The following LZTFL1 variants were observed in gnomAD, a reference collection of about 807,000 sequenced individuals.
LZTFL1 encodes the protein leucine zipper transcription factor-like protein 1.
Under a neutral mutation model 45.9 loss-of-function variants are expected in LZTFL1, and 25 were observed. That is an observed-to-expected ratio of 0.54 (90% confidence interval 0.40 to 0.76). LZTFL1 has a LOEUF of 0.76. Among genes scored for constraint, LZTFL1 ranks in the 30% least tolerant of loss-of-function variants. The probability of loss-of-function intolerance (pLI) is 0.00; values close to 1 mark genes in which losing one functional copy is unlikely to be tolerated. For missense variants in LZTFL1, 277 were observed against 331.1 expected, an observed-to-expected ratio of 0.84 and a Z score of 1.27; for synonymous variants, 93 against 117.4, an observed-to-expected ratio of 0.79 and a Z score of 1.35.
At chr3:45,861,943 G>C (rs529343955) in intron 2 of LZTFL1, among the ~76,000 whole-genome samples, 1 of 152,176 alleles carries the variant, frequency 6.6e-6, no homozygotes, top group African/African-American at 2.4e-5. Flanking sequence ...CTAAGGTACC[G>C]AGTTTTTGTC....
chr3:45,884,688 G>C (rs1377376828), intron 2 of LZTFL1, among the ~76,000 whole-genome samples: 1 of 152,192 alleles, frequency 6.6e-6, no homozygotes, highest in East Asian at 1.9e-4. Flanking sequence ...CCTGAGTCAA[G>C]AGAAGGGAGA....
chr3:45,829,340 C>T (rs542010779), intron 7 of LZTFL1, among the ~76,000 whole-genome samples: 8 of 152,180 alleles, frequency 5.3e-5, no homozygotes, highest in East Asian at 1.9e-4. Flanking sequence ...GTGGCTCTCA[C>T]GCCTGTAATT....
intron 2 of LZTFL1, among the ~76,000 whole-genome samples, chr3:45,861,687 A>G (rs1701493676): frequency 1.3e-5 from 2 of 152,240 alleles, no homozygotes; most frequent in South Asian, 4.1e-4. Context: ...GGACAAAGTC[A>G]CAGATAAGTA....
At chr3:45,838,135 G>T in intron 1 of LZTFL1, 84 bp from the exon 2 acceptor site, 1 of 1,387,074 alleles carries the variant, frequency 7.2e-7, no homozygotes. Flanking sequence ...GATATCCTGT[G>T]GTCGAGACTG....
upstream of LZTFL1, among the ~76,000 whole-genome samples, chr3:45,842,759 A>G (rs1023059867): frequency 2.6e-5 from 4 of 152,046 alleles, no homozygotes; most frequent in Admixed American, 6.5e-5. Flanking sequence ...AGCTTGTTGA[A>G]CAAATTCCTG....
intron 2 of LZTFL1, among the ~76,000 whole-genome samples, chr3:45,891,371 G>A (rs1702174327): frequency 6.6e-6 from 1 of 152,120 alleles, no homozygotes; most frequent in Non-Finnish European, 1.5e-5. Context: ...TGTAAAGAAT[G>A]CTTATAAACC....
chr3:45,841,210 T>A (rs1701102575), intron 1 of LZTFL1, among the ~76,000 whole-genome samples: 1 of 152,230 alleles, frequency 6.6e-6, no homozygotes, highest in Non-Finnish European at 1.5e-5. Flanking sequence ...GAACACAGTG[T>A]GGACTAAATA....
rs189749203 is a variant in LZTFL1 at position 45,837,221 on chromosome 3, C to A, written c.128+706G>T. Reference sequence around the variant, plus strand: ...AAAATATTAATAATCTTTCTATATTCTTCAATAGAACATATGTTCTCGCCA... The same window carrying A: ...AAAATATTAATAATCTTTCTATATTATTCAATAGAACATATGTTCTCGCCA... On this transcript the variant is annotated intron_variant, in intron 2 of 9. Coordinates refer to ENST00000296135, the MANE Select transcript of LZTFL1 (RefSeq NM_020347.4). 3.3e-3 allele frequency among the ~76,000 whole-genome samples: 506 copies of A among 152,238 alleles called. 1 individual carries two copies. Among genetic ancestry groups the A allele is most frequent in the Middle Eastern group, 0.014 (4 of 294 alleles).
intron 4 of LZTFL1, among the ~76,000 whole-genome samples, chr3:45,848,177 C>T (rs916341139): frequency 6.6e-6 from 1 of 152,184 alleles, no homozygotes; most frequent in African/African-American, 2.4e-5. Context: ...ATAAAAGCTG[C>T]ATTTTTAATA....
chr3:45,836,550 G>A (rs1031527101), intron 2 of LZTFL1, among the ~76,000 whole-genome samples: 1 of 152,276 alleles, frequency 6.6e-6, no homozygotes, highest in Non-Finnish European at 1.5e-5. Flanking sequence ...AGCTACTTAG[G>A]AGGCTGAGGC....
In LZTFL1 at chr3:45,883,849, G is replaced by A. The variant is rs767325754; in HGVS notation, c.-214-24833C>T. ...CAGCCACGGAGTAGGCCATCACAGAGCAAGGATTCAGTTAAGCAGCTAGAA... is the reference window on the plus strand; with the variant it reads ...CAGCCACGGAGTAGGCCATCACAGAACAAGGATTCAGTTAAGCAGCTAGAA... On this transcript the variant is annotated intron_variant, in intron 2 of 4. Coordinates refer to the LZTFL1 transcript ENST00000472635. 633 of 539,482 alleles carry A rather than the reference G, an allele frequency of 1.2e-3. 2 individuals are homozygous for A. The highest frequency in any genetic ancestry group is 1.8e-3 in the Non-Finnish European group (533 of 288,384). 33.4% of individuals were successfully genotyped at this position (539,482 alleles called of 1,614,324 possible).
intron 2 of LZTFL1, among the ~76,000 whole-genome samples, chr3:45,862,299 G>C (rs1379436755): frequency 6.6e-6 from 1 of 152,204 alleles, no homozygotes; most frequent in Admixed American, 6.5e-5. Context: ...GACCAGGCTG[G>C]AAAAACCCTT....
chr3:45,826,277 G>A lies in LZTFL1; in HGVS notation c.*37C>T, dbSNP rs745569820. ...ATGCCTGAGGTGAGACTGCTTGTATGTTTGCATGTGGTAGCTTCCAGAGGA... is the reference window on the plus strand; with the variant it reads ...ATGCCTGAGGTGAGACTGCTTGTATATTTGCATGTGGTAGCTTCCAGAGGA... On this transcript the variant is annotated 3_prime_UTR_variant, in exon 10 of 10. Transcript: ENST00000296135. 6.2e-7 allele frequency: 1 copy of A among 1,600,482 alleles called. No individual in the cohort carries two copies. The highest frequency in any genetic ancestry group is 8.6e-7 in the Non-Finnish European group (1 of 1,168,082).
At chr3:45,914,593 C>G (rs564011549) in intron 1 of LZTFL1, among the ~76,000 whole-genome samples, 1 of 152,152 alleles carries the variant, frequency 6.6e-6, no homozygotes, top group East Asian at 1.9e-4. Context: ...TTTTAATATG[C>G]CTTCAGGTAA....
intron 2 of LZTFL1, among the ~76,000 whole-genome samples, chr3:45,871,026 T>C (rs781588626): frequency 1.3e-5 from 2 of 152,234 alleles, no homozygotes; most frequent in Non-Finnish European, 2.9e-5. Flanking sequence ...TGTTAGTACA[T>C]GTAGATCCAC....
chr3:45,842,788 T>C (rs1434530729), upstream of LZTFL1, among the ~76,000 whole-genome samples: 1 of 152,194 alleles, frequency 6.6e-6, no homozygotes, highest in African/African-American at 2.4e-5. Context: ...CTCCAGAAAT[T>C]CTGATTCACA....
intron 2 of LZTFL1, among the ~76,000 whole-genome samples, chr3:45,867,147 C>CAAAAAA (rs58937842): frequency 4.7e-5 from 3 of 63,246 alleles, no homozygotes; most frequent in South Asian, 6.2e-4. Context: ...GACTCAATCT[C>CAAAAAA]AAAAAAAAAA....
intron 2 of LZTFL1, among the ~76,000 whole-genome samples, chr3:45,871,669 T>A (rs765635206): frequency 2.1e-4 from 24 of 112,084 alleles, no homozygotes; most frequent in Non-Finnish European, 3.1e-4. Flanking sequence ...GGTATGTGTA[T>A]GTGCATTTTT....
At chr3:45,842,161 A>G (rs542391930), upstream of LZTFL1, 103 of 1,490,148 alleles carry the variant, frequency 6.9e-5, no homozygotes, top group Non-Finnish European at 8.9e-5. Flanking sequence ...GCAATTATGC[A>G]TTTTCATTGG....
Sources: allele counts gnomAD v4.1 joint callset (sites outside exome capture counted in the v4.1 genomes callset), GRCh38; gene constraint gnomAD v4.1.1; transcripts MANE v1.5; gene names NCBI Gene and HGNC (gene_info 2026-07-23, HGNC 2026-07-21).